Variants in KCNQ1OT1 observed in about 807,000 individuals in gnomAD.
KCNQ1OT1 encodes KCNQ1 antisense RNA 2 (non-protein coding).
chr11:2,656,169 T>G (rs560855435), exon 1 of KCNQ1OT1: 2 of 398,540 alleles, frequency 5.0e-6, no homozygotes, highest in African/African-American at 4.1e-5. Context: ...CATCAAAATA[T>G]GTTTTTTCTT....
At chr11:2,667,402 C>T in exon 1 of KCNQ1OT1, 1 of 398,692 alleles carries the variant, frequency 2.5e-6, no homozygotes, top group South Asian at 1.3e-4. Context: ...TGGCCAGGCT[C>T]AGCCCTCTCC....
At chr11:2,660,422 A>G in exon 1 of KCNQ1OT1, 1 of 398,634 alleles carries the variant, frequency 2.5e-6, no homozygotes, top group Non-Finnish European at 4.4e-6. Flanking sequence ...TCACTTTAAA[A>G]ACATAAAACA....
rs1266726966 is a variant in KCNQ1OT1, at chr11:2,663,396, G to A, written n.36599C>T. 2 of 398,890 alleles carry A rather than the reference G, an allele frequency of 5.0e-6. No homozygotes were observed. The highest frequency in any genetic ancestry group is 4.4e-6 in the Non-Finnish European group (1 of 226,268). The allele number at this position is 398,890 out of a possible 1,614,324, so 24.7% of individuals were successfully genotyped here. A position where few individuals can be genotyped will look rare whatever the true frequency, so the allele number is the denominator to read the frequency against. On this transcript the variant is annotated non_coding_transcript_exon_variant, in exon 1 of 1. Coordinates refer to ENST00000597346, the Ensembl canonical transcript of KCNQ1OT1. This position sits in a 1 kb window ranked among gnomAD's most constrained non-coding sequence, Gnocchi z 5.2. Reference sequence around the variant, plus strand: ...GGTCAGCACCAGAAGGCAGAATGATGGCTTACACTGTGGCCAAGGCCTGTA... The same window carrying A: ...GGTCAGCACCAGAAGGCAGAATGATAGCTTACACTGTGGCCAAGGCCTGTA...
chr11:2,622,636 T>C (rs535682046), exon 1 of KCNQ1OT1: 11 of 398,628 alleles, frequency 2.8e-5, no homozygotes, highest in African/African-American at 2.1e-4. Flanking sequence ...TTACTGCCTT[T>C]TTTTGTGTTT....
exon 1 of KCNQ1OT1, chr11:2,689,905 C>G: frequency 2.5e-6 from 1 of 398,850 alleles, no homozygotes; most frequent in Non-Finnish European, 4.4e-6. Context: ...TTCCCACCTG[C>G]TCCAACTTCT....
chr11:2,679,495 GAC>G lies in KCNQ1OT1; in HGVS notation n.20498_20499del, dbSNP rs1374344043. The G allele has an allele frequency of 7.5e-6, 3 of 398,438 alleles. No homozygotes were observed. Among genetic ancestry groups the G allele is most frequent in the Non-Finnish European group, 1.3e-5 (3 of 226,074 alleles). The allele number at this position is 398,438 out of a possible 1,614,324, so 24.7% of individuals were successfully genotyped here. A position where few individuals can be genotyped will look rare whatever the true frequency, so the allele number is the denominator to read the frequency against. On this transcript the variant is annotated non_coding_transcript_exon_variant, in exon 1 of 1. Transcript: ENST00000597346. This position sits in a 1 kb window ranked among gnomAD's most constrained non-coding sequence, Gnocchi z 4.8. Reference sequence around the variant, plus strand: ...AGAAAAGTGCCTGTCCTATAGTAGTGACACAGTGTTACTTAAATGTATTGCTA... The same window carrying G: ...AGAAAAGTGCCTGTCCTATAGTAGTGACAGTGTTACTTAAATGTATTGCTA...
chr11:2,615,654 C>T, exon 1 of KCNQ1OT1: 4 of 397,950 alleles, frequency 1.0e-5, no homozygotes, highest in Non-Finnish European at 1.8e-5. Context: ...GATTTTTTAT[C>T]CTTCATTGTA....
exon 1 of KCNQ1OT1, chr11:2,629,079 T>C (rs2133813693): frequency 5.0e-6 from 2 of 398,258 alleles, no homozygotes; most frequent in East Asian, 7.1e-5. Flanking sequence ...TTAAGGTCTT[T>C]TGTAGTTTCT....
Position 2,659,579 on chromosome 11 carries a change from T to C in KCNQ1OT1, n.40416A>G, listed in dbSNP as rs921145239. On this transcript the variant is annotated non_coding_transcript_exon_variant, in exon 1 of 1. Coordinates refer to ENST00000597346, the Ensembl canonical transcript of KCNQ1OT1. The surrounding 1 kb of genome is among the most constrained non-coding windows in gnomAD (Gnocchi z 4.3). ...GTTACTATACACATTTATGTACAGG[T>C]TTTTGCGAACATAAAAATTCAATTC... 1 of 398,368 alleles carries C rather than the reference T, an allele frequency of 2.5e-6. No individual in the cohort carries two copies. The highest frequency in any genetic ancestry group is 4.4e-6 in the Non-Finnish European group (1 of 226,012). The allele number at this position is 398,368 out of a possible 1,614,324, so 24.7% of individuals were successfully genotyped here. A position where few individuals can be genotyped will look rare whatever the true frequency, so the allele number is the denominator to read the frequency against.
Position 2,659,425 on chromosome 11 carries a change from A to G in KCNQ1OT1, n.40570T>C. 2 of 398,516 alleles carry G rather than the reference A, an allele frequency of 5.0e-6. No homozygotes were observed. Among genetic ancestry groups the G allele is most frequent in the East Asian group, 3.6e-5 (1 of 28,080 alleles). 24.7% of individuals were successfully genotyped at this position (398,516 alleles called of 1,614,324 possible). ...ATTTGAGATTCATCCATGTTGTTGC[A>G]TAAATCATTAGTTAATTTCTTTTTA... On this transcript the variant is annotated non_coding_transcript_exon_variant, in exon 1 of 1. Coordinates refer to ENST00000597346, the Ensembl canonical transcript of KCNQ1OT1. The surrounding 1 kb of genome is among the most constrained non-coding windows in gnomAD (Gnocchi z 4.3).
Position 2,654,742 on chromosome 11 carries a change from G to A in KCNQ1OT1, n.45253C>T, listed in dbSNP as rs888157267. On this transcript the variant is annotated non_coding_transcript_exon_variant, in exon 1 of 1. Transcript: ENST00000597346. The surrounding 1 kb of genome is among the most constrained non-coding windows in gnomAD (Gnocchi z 6.4). ...GCTGACCTAATCTGGGCAGGGAGGG[G>A]TCTGGGGCTCGATGAGAAGGCAGAG... The A allele has an allele frequency of 1.0e-5, 4 of 398,772 alleles. No individual in the cohort carries two copies. Among genetic ancestry groups the A allele is most frequent in the Middle Eastern group, 6.3e-4 (1 of 1,588 alleles). 24.7% of individuals were successfully genotyped at this position (398,772 alleles called of 1,614,324 possible).
Position 2,613,264 on chromosome 11 carries a change from C to T in KCNQ1OT1, n.86731G>A, listed in dbSNP as rs1849010130. On this transcript the variant is annotated non_coding_transcript_exon_variant, in exon 1 of 1. Transcript: ENST00000597346. The surrounding 1 kb of genome is among the most constrained non-coding windows in gnomAD (Gnocchi z 4.8). ...AGGATAAGTAGATAGCAGGAAACCT[C>T]TCTGATCTCTCCTGCAAGCATGTAC... The T allele has an allele frequency of 2.5e-6, 1 of 398,416 alleles. No individual in the cohort carries two copies. The highest frequency in any genetic ancestry group is 4.4e-6 in the Non-Finnish European group (1 of 226,056). 24.7% of individuals were successfully genotyped at this position (398,416 alleles called of 1,614,324 possible). A position where few individuals can be genotyped will look rare whatever the true frequency, so the allele number is the denominator to read the frequency against.
exon 1 of KCNQ1OT1, chr11:2,684,968 G>A: frequency 2.5e-6 from 1 of 398,696 alleles, no homozygotes; most frequent in Non-Finnish European, 4.4e-6. Flanking sequence ...GAGTGAAATG[G>A]CTTCCAATTT....
chr11:2,615,880 G>C (rs899929569), exon 1 of KCNQ1OT1: 30 of 398,098 alleles, frequency 7.5e-5, no homozygotes, highest in Non-Finnish European at 1.3e-4. Flanking sequence ...TGGCCTCATA[G>C]AATGTATTGC....
At position 2,674,777 on chromosome 11, in the gene KCNQ1OT1, A is replaced by G. The variant is rs1251299105; in HGVS notation, n.25218T>C. The G allele has an allele frequency of 5.0e-6, 2 of 397,246 alleles. No homozygotes were observed. The highest frequency in any genetic ancestry group is 7.1e-5 in the East Asian group (2 of 28,006). 24.6% of individuals were successfully genotyped at this position (397,246 alleles called of 1,614,324 possible). ...CCCAGTGCCAGACCAGCTTCCTGGA[A>G]ACTCTCGCCAACTGCTGGCCTTTGG... On this transcript the variant is annotated non_coding_transcript_exon_variant, in exon 1 of 1. Transcript: ENST00000597346. This position sits in a 1 kb window ranked among gnomAD's most constrained non-coding sequence, Gnocchi z 5.9.
chr11:2,691,861 C>T lies in KCNQ1OT1; in HGVS notation n.8134G>A, dbSNP rs1442373654. ...ACCATGACCCCTAGGTCCTCTTTTC[C>T]ATCCCTCCAGTTCTCCTGGCTTTCT... is the stretch of plus-strand genomic sequence containing the variant. On this transcript the variant is annotated non_coding_transcript_exon_variant, in exon 1 of 1. Transcript: ENST00000597346. The surrounding 1 kb of genome is among the most constrained non-coding windows in gnomAD (Gnocchi z 6.4). The T allele has an allele frequency of 7.5e-6, 3 of 398,594 alleles. No homozygotes were observed. Among genetic ancestry groups the T allele is most frequent in the Non-Finnish European group, 1.3e-5 (3 of 226,140 alleles). The allele number at this position is 398,594 out of a possible 1,614,324, so 24.7% of individuals were successfully genotyped here.
chr11:2,659,078 T>C lies in KCNQ1OT1; in HGVS notation n.40917A>G. 1 of 398,626 alleles carries C rather than the reference T, an allele frequency of 2.5e-6. No individual in the cohort carries two copies. The highest frequency in any genetic ancestry group is 4.4e-6 in the Non-Finnish European group (1 of 226,030). 24.7% of individuals were successfully genotyped at this position (398,626 alleles called of 1,614,324 possible). ...TGTAACACGCTCATCATAGTCTGCT[T>C]TTCATCGTAGGGTCCTCCAACATCC... On this transcript the variant is annotated non_coding_transcript_exon_variant, in exon 1 of 1. Coordinates refer to ENST00000597346, the Ensembl canonical transcript of KCNQ1OT1. This position sits in a 1 kb window ranked among gnomAD's most constrained non-coding sequence, Gnocchi z 4.3.
rs1271419744 is a variant in KCNQ1OT1, at chr11:2,679,881, G to A, written n.20114C>T. Reference sequence around the variant, plus strand: ...TTTCATATAAACTTAGAACTAGCACGCCTAATTTTTTTTTTATTTTTATTT... The same window carrying A: ...TTTCATATAAACTTAGAACTAGCACACCTAATTTTTTTTTTATTTTTATTT... On this transcript the variant is annotated non_coding_transcript_exon_variant, in exon 1 of 1. Transcript: ENST00000597346. This position sits in a 1 kb window ranked among gnomAD's most constrained non-coding sequence, Gnocchi z 4.8. The A allele has an allele frequency of 1.8e-5, 7 of 398,128 alleles. No individual in the cohort carries two copies. Among genetic ancestry groups the A allele is most frequent in the Non-Finnish European group, 2.2e-5 (5 of 226,010 alleles). 24.7% of individuals were successfully genotyped at this position (398,128 alleles called of 1,614,324 possible).
chr11:2,641,451 A>G (rs1849575791), exon 1 of KCNQ1OT1: 1 of 397,926 alleles, frequency 2.5e-6, no homozygotes, highest in Non-Finnish European at 4.4e-6. Flanking sequence ...AGAAATATCT[A>G]TCCATGTCTT....
Sources: gnomAD v4.1 joint callset for allele counts on GRCh38, gnomAD v4.1.1 for gene constraint, Gnocchi (gnomAD v3.1) non-coding constraint, MANE v1.5 for transcripts, NCBI Gene and HGNC (gene_info 2026-07-23, HGNC 2026-07-21) for gene names.